Variants in SLC38A1 observed in about 807,000 individuals in gnomAD.
SLC38A1 encodes the protein solute carrier family 38 member 1, also known as sodium-coupled neutral amino acid symporter 1.
In SLC38A1, 18 loss-of-function variants were observed where a neutral mutation model predicts 60.3. The observed-to-expected ratio is 0.30, with a 90% CI of 0.21 to 0.44. The LOEUF is 0.44. Among genes scored for constraint, SLC38A1 ranks in the 20% least tolerant of loss-of-function variants. The pLI is 1.00. For missense variants in SLC38A1, 448 were observed against 587.2 expected (o/e 0.76, Z 2.45); for synonymous variants, 196 against 212.1 (o/e 0.92, Z 0.66).
At chr12:46,192,325 T>G (rs1189127324) in intron 16 of SLC38A1, among the ~76,000 whole-genome samples, 1 of 152,198 alleles carries the variant, frequency 6.6e-6, no homozygotes, top group Admixed American at 6.5e-5. Flanking sequence ...TGCTGCTGGA[T>G]TTGGTTTGCC....
intron 1 of SLC38A1, among the ~76,000 whole-genome samples, chr12:46,257,933 G>A (rs534779664): frequency 1.8e-4 from 28 of 152,210 alleles, no homozygotes; most frequent in Admixed American, 1.2e-3. Context: ...AAGCGAAATG[G>A]CTACGCCATA....
chr12:46,229,476 T>C, intron 4 of SLC38A1, 88 bp downstream of exon 4: 1 of 1,057,620 alleles, frequency 9.5e-7, no homozygotes, highest in Non-Finnish European at 1.5e-6. Flanking sequence ...GTAGTTATGC[T>C]TTTGGTACTA....
intron 16 of SLC38A1, chr12:46,197,515 A>G (rs1212870845): frequency 6.7e-6 from 3 of 448,920 alleles, no homozygotes; most frequent in East Asian, 4.6e-5. Context: ...TCAAAAAAAA[A>G]GAGTAAAACC....
chr12:46,206,886 T>G (rs370651275), intron 8 of SLC38A1, among the ~76,000 whole-genome samples: 2 of 152,212 alleles, frequency 1.3e-5, no homozygotes, highest in East Asian at 1.9e-4. Flanking sequence ...TCACAGAAAC[T>G]AGATATAGAT....
chr12:46,223,660 TA>T (rs34332041), intron 5 of SLC38A1, among the ~76,000 whole-genome samples: 96,605 of 152,058 alleles, frequency 0.64, 32,481 homozygotes, highest in Non-Finnish European at 0.75. Flanking sequence ...ATCAACCAAA[TA>T]AAATTTAAAC....
In SLC38A1 at chr12:46,229,605, G is replaced by A; in HGVS notation, c.157C>T (p.Leu53Phe). 1 of 1,613,542 alleles carries A rather than the reference G, an allele frequency of 6.2e-7. No homozygotes were observed. The highest frequency in any genetic ancestry group is 8.5e-7 in the Non-Finnish European group (1 of 1,179,764). The change falls in exon 4 of 17, where the codon CTC becomes TTC. Residue 53 changes from leucine (L) to phenylalanine (F), a missense_variant. This residue lies in a region of SLC38A1 where 102 missense variants were observed against 89.7 expected (regional missense o/e 1.14). Coordinates refer to ENST00000398637, the MANE Select transcript of SLC38A1 (RefSeq NM_030674.4). ...FISDRESRRS[L>F]TNSHLEKKKC... ...TTTTTTTCCAAATGGCTGTTTGTGA[G>A]ACTTCTTCTACTTTCACGATCAGAA...
In SLC38A1 at chr12:46,265,060, A is replaced by G. The variant is rs374456071; in HGVS notation, c.-209+3466T>C. On this transcript the variant is annotated intron_variant, in intron 1 of 16. Transcript: ENST00000398637. ...ATCAACTTTCTCTCCCTCCTCTGGT[A>G]GATATGTTTAATTCAATACATATGG... Among the ~76,000 whole-genome samples the G allele has an allele frequency of 1.0e-3, 158 of 152,386 alleles. 1 individual carries two copies. Among genetic ancestry groups the G allele is most frequent in the African/African-American group, 3.7e-3 (153 of 41,592 alleles).
chr12:46,252,305 G>A (rs563635197), intron 1 of SLC38A1, among the ~76,000 whole-genome samples: 1 of 152,280 alleles, frequency 6.6e-6, no homozygotes, highest in Non-Finnish European at 1.5e-5. Flanking sequence ...GTTGGACACA[G>A]GGAGGGGAAC....
chr12:46,216,722 T>C (rs1940429728), intron 5 of SLC38A1, among the ~76,000 whole-genome samples: 1 of 152,126 alleles, frequency 6.6e-6, no homozygotes. Flanking sequence ...GACCTGGGCA[T>C]AGCGGCGTAT....
At chr12:46,250,410 C>G (rs1345264518) in intron 1 of SLC38A1, among the ~76,000 whole-genome samples, 2 of 152,164 alleles carry the variant, frequency 1.3e-5, no homozygotes, top group Non-Finnish European at 2.9e-5. Context: ...TGGAAGCATT[C>G]CCTTTGAAAA....
chr12:46,239,793 T>A lies in SLC38A1; in HGVS notation c.8A>T (p.His3Leu), dbSNP rs373216951. 1.7e-5 allele frequency: 27 copies of A among 1,612,768 alleles called. No individual in the cohort carries two copies. Among genetic ancestry groups the A allele is most frequent in the Non-Finnish European group, 2.3e-5 (27 of 1,179,960 alleles). Residue 3 changes from histidine (H) to leucine (L), a missense_variant, in exon 3 of 17, where the codon CAT becomes CTT. By Grantham distance (99) the His-to-Leu change is moderately conservative (BLOSUM62 -3). Transcript: ENST00000398637. The part of the protein sequence containing the change: MM[H>L]FKSGLELTEL... ...AGTTAATTCGAGTCCACTTTTGAAA[T>A]GCATCATGATTAGAAAGTGTCTGTA... is the stretch of plus-strand genomic sequence containing the variant.
At position 46,188,915 on chromosome 12, in the gene SLC38A1, T is replaced by C. The variant is rs1266872885; in HGVS notation, c.*55A>G. 7.2e-7 allele frequency: 1 copy of C among 1,381,132 alleles called. No individual in the cohort carries two copies. The highest frequency in any genetic ancestry group is 1.2e-5 in the South Asian group (1 of 86,296). 85.6% of individuals were successfully genotyped at this position (1,381,132 alleles called of 1,614,324 possible). A position where few individuals can be genotyped will look rare whatever the true frequency, so the allele number is the denominator to read the frequency against. ...AAAAGAAGTGGTGAGAGATTGCTGA[T>C]GTGTGGGGACTTGACTGAGCAGACA... On this transcript the variant is annotated 3_prime_UTR_variant, in exon 17 of 17. Transcript: ENST00000398637.
chr12:46,233,004 C>T (rs1355598479), intron 3 of SLC38A1, among the ~76,000 whole-genome samples: 1 of 152,024 alleles, frequency 6.6e-6, no homozygotes, highest in Non-Finnish European at 1.5e-5. Flanking sequence ...TGTATTTCGT[C>T]AAGCTAATTT....
chr12:46,201,337 T>C (rs1450872215), intron 12 of SLC38A1, 139 bp from the exon 13 acceptor site: 8 of 675,972 alleles, frequency 1.2e-5, no homozygotes, highest in African/African-American at 1.8e-5. Context: ...CCCTGGCAGT[T>C]ATGCCAGTTG....
chr12:46,216,249 G>A (rs1421769778), intron 5 of SLC38A1, among the ~76,000 whole-genome samples: 1 of 152,126 alleles, frequency 6.6e-6, no homozygotes, highest in East Asian at 1.9e-4. Context: ...ATAAAGATTT[G>A]AAAACATTGT....
Position 46,208,242 on chromosome 12 carries a change from A to G in SLC38A1, c.389-621T>C, listed in dbSNP as rs60368774. Among the ~76,000 whole-genome samples the G allele has an allele frequency of 5.5e-4, 84 of 152,360 alleles. No homozygotes were observed. In the East Asian group the frequency reaches 0.014, roughly 25 times the overall value. ...CATAATTTGTCTGTAGCAAAATTTG[A>G]AAGTGTTCGACTAGCTCATCTCAAT... On this transcript the variant is annotated intron_variant, in intron 6 of 16. Transcript: ENST00000398637.
Position 46,228,136 on chromosome 12 carries a change from T to G in SLC38A1, c.314+1017A>C, listed in dbSNP as rs1473469152. On this transcript the variant is annotated intron_variant, in intron 5 of 16. Transcript: ENST00000398637. ...ACAATATGGAAGACAATGTATCGAA[T>G]TCACCATCTTACACAGTCTTTTAAT... Among the ~76,000 whole-genome samples, 4 of 152,208 alleles carry G rather than the reference T, an allele frequency of 2.6e-5. No homozygotes were observed. In the East Asian group the frequency reaches 7.7e-4, roughly 29 times the overall value.
chr12:46,229,796 T>C (rs1941001697), intron 3 of SLC38A1, among the ~76,000 whole-genome samples, 157 bp from the exon 4 acceptor site: 1 of 152,174 alleles, frequency 6.6e-6, no homozygotes, highest in African/African-American at 2.4e-5. Context: ...TCCCCCCACC[T>C]TTTTTTCTTT....
At chr12:46,215,640 T>C (rs1216287366) in intron 5 of SLC38A1, among the ~76,000 whole-genome samples, 2 of 152,150 alleles carry the variant, frequency 1.3e-5, no homozygotes, top group Non-Finnish European at 2.9e-5. Flanking sequence ...ACTCCTGACC[T>C]CAGGTGATCT....
Sources: allele counts gnomAD v4.1 joint callset (sites outside exome capture counted in the v4.1 genomes callset), GRCh38; gene constraint gnomAD v4.1.1; regional missense constraint gnomAD v4.1.1; transcripts MANE v1.5; gene names NCBI Gene and HGNC (gene_info 2026-07-23, HGNC 2026-07-21).